The following C6 variants were observed in gnomAD, a reference collection of about 807,000 sequenced individuals.
C6 encodes complement component C6.
Under a neutral mutation model 112.9 loss-of-function variants are expected in C6, and 101 were observed. The ratio of observed to expected loss-of-function variants is 0.89; its 90% CI spans 0.76 to 1.06. The LOEUF is 1.06. Ranked by LOEUF, C6 falls within the 50% of genes least tolerant of loss-of-function variation. C6 has a pLI of 0.00. For missense variants in C6, 1,202 were observed against 1,104.6 expected (o/e 1.09, Z -1.25); for synonymous variants, 431 against 384.1 (o/e 1.12, Z -1.43).
At chr5:41,254,706 A>C (rs919681621) in intron 1 of C6, among the ~76,000 whole-genome samples, 6 of 152,256 alleles carry the variant, frequency 3.9e-5, no homozygotes, top group Non-Finnish European at 8.8e-5. Context: ...AAAGGAAATC[A>C]TAATACAGTG....
In C6 at chr5:41,228,127, T is replaced by C. The variant is rs186017470; in HGVS notation, c.-20-24877A>G. On this transcript the variant is annotated intron_variant, in intron 1 of 17. Coordinates refer to the C6 transcript ENST00000263413. ...TGGGATATCTTTCCATTTACTTGTG[T>C]CTGCTTCCATTTTTTTCAGCATTAA... is the stretch of plus-strand genomic sequence containing the variant. Among the ~76,000 whole-genome samples, 187 of 152,258 alleles carry C rather than the reference T, an allele frequency of 1.2e-3. 1 individual carries two copies. The South Asian group carries it at 0.012, about 10-fold the overall frequency.
At position 41,255,557 on chromosome 5, in the gene C6, G is replaced by C. The variant is rs1580263336; in HGVS notation, c.-21+5637C>G. On this transcript the variant is annotated intron_variant, in intron 1 of 17. Transcript: ENST00000263413. ...GTCATGAAGCCAAGCCTTGGGAAGG[G>C]ACTCTAATCAGGAAATAGGAAACTG... 2.0e-5 allele frequency among the ~76,000 whole-genome samples: 3 copies of C among 152,222 alleles called. No individual in the cohort carries two copies. The East Asian group carries it at 5.8e-4, about 29-fold the overall frequency.
At chr5:41,195,382 C>T (rs73753125) in intron 5 of C6, among the ~76,000 whole-genome samples, 3,701 of 152,182 alleles carry the variant, frequency 0.024, 161 homozygotes, top group African/African-American at 0.084. Context: ...TTTTATCACA[C>T]CCTCTTTCTC....
At chr5:41,155,168 C>T in intron 13 of C6, 64 bp from the exon 14 acceptor site, 1 of 1,444,352 alleles carries the variant, frequency 6.9e-7, no homozygotes, top group South Asian at 1.1e-5. Flanking sequence ...ACTCTTTAGT[C>T]TCACACTGAT....
intron 1 of C6, among the ~76,000 whole-genome samples, chr5:41,207,763 C>A (rs1751554224): frequency 6.6e-6 from 1 of 152,062 alleles, no homozygotes; most frequent in Non-Finnish European, 1.5e-5. Flanking sequence ...ACTTAGACTC[C>A]CACACAATAA....
intron 4 of C6, among the ~76,000 whole-genome samples, chr5:41,196,229 G>T (rs920746858): frequency 6.6e-6 from 1 of 151,876 alleles, no homozygotes; most frequent in Non-Finnish European, 1.5e-5. Flanking sequence ...TGTTCAGTAG[G>T]AGAAAATTAA....
intron 7 of C6, among the ~76,000 whole-genome samples, chr5:41,179,577 C>A (rs1749149875): frequency 6.6e-6 from 1 of 151,470 alleles, no homozygotes; most frequent in South Asian, 2.1e-4. Context: ...ACAAGAAATT[C>A]TGATACTATC....
chr5:41,196,768 G>T (rs975042482), intron 4 of C6, among the ~76,000 whole-genome samples: 1 of 152,012 alleles, frequency 6.6e-6, no homozygotes, highest in Non-Finnish European at 1.5e-5. Context: ...GTAGCAAGTA[G>T]AGTGAGCAAA....
intron 6 of C6, among the ~76,000 whole-genome samples, chr5:41,183,984 G>T (rs1331507383): frequency 1.4e-5 from 2 of 144,804 alleles, no homozygotes; most frequent in African/African-American, 2.5e-5. Flanking sequence ...ACTAGGGGGG[G>T]AAGGGAGGGA....
In C6 at chr5:41,142,894, A is replaced by T. The variant is rs1228340454; in HGVS notation, c.2736T>A (p.Cys912Ter). The change falls in exon 18 of 18, where the codon TGT becomes TGA. Residue 912 changes from cysteine to a stop codon, truncating the protein, a stop_gained. Transcript: ENST00000337836. LOFTEE classifies it high-confidence loss of function. ...TTGCACATCTTATAGTTCCCACTTC[A>T]CAGATGTTCAATGTTTTCTCACTTG... ...SSTSEKTLNI[C>*]EVGTIRCANR... is the part of the protein sequence containing the mutation. 7 of 1,613,220 alleles carry T rather than the reference A, an allele frequency of 4.3e-6. No homozygotes were observed. The highest frequency in any genetic ancestry group is 5.9e-6 in the Non-Finnish European group (7 of 1,179,450).
chr5:41,176,461 C>A lies in C6; in HGVS notation c.1168+14G>T. The A allele has an allele frequency of 6.2e-7, 1 of 1,612,342 alleles. No homozygotes were observed. The highest frequency in any genetic ancestry group is 8.5e-7 in the Non-Finnish European group (1 of 1,178,768). On this transcript the variant is annotated intron_variant, in intron 8 of 17. Transcript: ENST00000337836. Reference sequence around the variant, plus strand: ...TCATACCAGTTAAAAAGAGTGAGGACTGAAGAAAGTTACCTGAGTTCTTTA... The same window carrying A: ...TCATACCAGTTAAAAAGAGTGAGGAATGAAGAAAGTTACCTGAGTTCTTTA...
chr5:41,204,160 A>G (rs968689693), intron 1 of C6, among the ~76,000 whole-genome samples: 2 of 152,222 alleles, frequency 1.3e-5, no homozygotes, highest in Non-Finnish European at 2.9e-5. Flanking sequence ...TGTAATTAAT[A>G]TAGTAGTAAC....
At chr5:41,237,062 C>A (rs373179700) in intron 1 of C6, among the ~76,000 whole-genome samples, 7 of 146,504 alleles carry the variant, frequency 4.8e-5, no homozygotes, top group Admixed American at 6.9e-5. Flanking sequence ...CAATAACAGG[C>A]TCTGAAATTG....
At chr5:41,198,009 T>C (rs1443544026) in intron 4 of C6, among the ~76,000 whole-genome samples, 1 of 152,176 alleles carries the variant, frequency 6.6e-6, no homozygotes, top group Non-Finnish European at 1.5e-5. Flanking sequence ...TTTGTGTCAC[T>C]GCAATAGTAT....
intron 9 of C6, among the ~76,000 whole-genome samples, chr5:41,166,215 A>G (rs990561842): frequency 6.6e-6 from 1 of 152,152 alleles, no homozygotes; most frequent in African/African-American, 2.4e-5. Flanking sequence ...GATAGTGACA[A>G]TATTTAATAG....
At chr5:41,201,474 GCA>G in intron 3 of C6, 82 bp downstream of exon 3, 1 of 1,288,886 alleles carries the variant, frequency 7.8e-7, no homozygotes, top group South Asian at 1.2e-5. Flanking sequence ...AAGTAATTCA[GCA>G]TTACTATGCT....
At chr5:41,200,888 G>GTTTTTT (rs1750967031) in intron 3 of C6, among the ~76,000 whole-genome samples, 1 of 66,804 alleles carries the variant, frequency 1.5e-5, no homozygotes, top group African/African-American at 5.6e-5. Flanking sequence ...TGTTGTTGTT[G>GTTTTTT]TTGTTTTTTT....
chr5:41,225,722 C>T (rs574675101), intron 1 of C6, among the ~76,000 whole-genome samples: 12 of 152,014 alleles, frequency 7.9e-5, no homozygotes, highest in South Asian at 2.1e-4. Context: ...CATCCTCTCC[C>T]AAAACAGCAT....
At chr5:41,258,548 T>C (rs1441401598) in intron 1 of C6, among the ~76,000 whole-genome samples, 1 of 152,184 alleles carries the variant, frequency 6.6e-6, no homozygotes, top group Non-Finnish European at 1.5e-5. Flanking sequence ...TTGATGCTGT[T>C]TGAGTCCAAA....
Sources: allele counts gnomAD v4.1 joint callset (sites outside exome capture counted in the v4.1 genomes callset), GRCh38; gene constraint gnomAD v4.1.1; transcripts MANE v1.5; gene names NCBI Gene and HGNC (gene_info 2026-07-23, HGNC 2026-07-21).